Variants in STK4 observed in about 807,000 individuals in gnomAD.
STK4 encodes the protein serine/threonine kinase 4.
Under a neutral mutation model 64.9 loss-of-function variants are expected in STK4, and 30 were observed. The observed-to-expected ratio is 0.46, with a 90% CI of 0.35 to 0.63. The LOEUF (loss-of-function observed/expected upper bound fraction) is 0.63, where lower values mean the gene tolerates loss of function less well. Ranked by LOEUF, STK4 falls within the 20% of genes least tolerant of loss-of-function variation. The probability of loss-of-function intolerance (pLI) is 0.01; values close to 1 mark genes in which losing one functional copy is unlikely to be tolerated. For synonymous variants in STK4, 177 were observed against 199.0 expected (o/e 0.89, Z 0.93); for missense variants, 466 against 598.5 (o/e 0.78, Z 2.31).
At chr20:45,022,218 A>G (rs1456754842) in intron 9 of STK4, among the ~76,000 whole-genome samples, 1 of 152,186 alleles carries the variant, frequency 6.6e-6, no homozygotes, top group African/African-American at 2.4e-5. Context: ...ACATATGTGC[A>G]TTTTACTTAC....
intron 10 of STK4, among the ~76,000 whole-genome samples, chr20:45,050,746 A>G (rs2068764722): frequency 6.6e-6 from 1 of 152,072 alleles, no homozygotes. Flanking sequence ...TCAGACATTT[A>G]AATTTTTATA....
intron 6 of STK4, among the ~76,000 whole-genome samples, chr20:44,996,679 A>G (rs1320530113): frequency 6.6e-6 from 1 of 152,084 alleles, no homozygotes; most frequent in Non-Finnish European, 1.5e-5. Flanking sequence ...TTTCCCCCTC[A>G]CACATGCGTT....
intron 5 of STK4, among the ~76,000 whole-genome samples, chr20:44,991,599 AT>A (rs1472606016): frequency 1.3e-5 from 2 of 151,994 alleles, no homozygotes; most frequent in Non-Finnish European, 2.9e-5. Flanking sequence ...ATTATTGGCC[AT>A]TTATAAAAAT....
At chr20:45,021,675 A>G (rs558914834) in intron 9 of STK4, among the ~76,000 whole-genome samples, 1 of 152,184 alleles carries the variant, frequency 6.6e-6, no homozygotes, top group Non-Finnish European at 1.5e-5. Flanking sequence ...TAAACCACCA[A>G]CAACAAAAAA....
At chr20:45,012,627 C>T (rs897807794) in intron 9 of STK4, among the ~76,000 whole-genome samples, 1 of 152,014 alleles carries the variant, frequency 6.6e-6, no homozygotes, top group Non-Finnish European at 1.5e-5. Context: ...TTGTTTCTAA[C>T]ATTTTTCTTC....
In STK4 at chr20:45,044,163, G is replaced by T. The variant is rs74446728; in HGVS notation, c.1305+19033G>T. ...TCTTTCTACCCACCTCTCAAATCAT[G>T]AACTGTTGAGGTTAACGGAAATTTT... is the stretch of plus-strand genomic sequence containing the variant. On this transcript the variant is annotated intron_variant, in intron 10 of 10. Transcript: ENST00000372806. Among the ~76,000 whole-genome samples the T allele has an allele frequency of 8.5e-5, 13 of 152,138 alleles. No individual in the cohort carries two copies. In the East Asian group the frequency reaches 2.1e-3, roughly 25 times the overall value.
intron 10 of STK4, among the ~76,000 whole-genome samples, chr20:45,057,425 A>C (rs1188686149): frequency 6.6e-6 from 1 of 152,234 alleles, no homozygotes; most frequent in East Asian, 1.9e-4. Context: ...TGTTATTAAC[A>C]ATCAGACCCT....
chr20:44,988,549 ATATATATATATATATATATG>A (rs1236580168), intron 5 of STK4, among the ~76,000 whole-genome samples: 7 of 108,456 alleles, frequency 6.5e-5, no homozygotes, highest in Admixed American at 1.7e-4. Flanking sequence ...ATATATATAT[ATATATATATATATATATATG>A]TATCCATTCC....
Position 45,000,395 on chromosome 20 carries a change from C to T in STK4, c.835C>T (p.Pro279Ser). 6.2e-7 allele frequency: 1 copy of T among 1,613,436 alleles called. No homozygotes were observed. The change falls in exon 8 of 11, where the codon CCA (proline) becomes TCA (serine). Residue 279 changes from proline to serine, a missense_variant. By Grantham distance (74) the Pro-to-Ser change is moderately conservative (BLOSUM62 -1). Coordinates refer to ENST00000372806, the MANE Select transcript of STK4 (RefSeq NM_006282.5). Reference sequence around the variant, plus strand: ...ATTTTCTACTTTGTTCTTTTAGCACCCATTTGTCAGGAGTGCCAAAGGAGT... The same window carrying T: ...ATTTTCTACTTTGTTCTTTTAGCACTCATTTGTCAGGAGTGCCAAAGGAGT... ...RATATQLLQH[P>S]FVRSAKGVSI...
At chr20:45,042,233 G>A (rs6017472) in intron 10 of STK4, among the ~76,000 whole-genome samples, 76,152 of 151,402 alleles carry the variant, frequency 0.5, 19,899 homozygotes, top group African/African-American at 0.62. Flanking sequence ...TTGAGCTGTT[G>A]AAGATATTTT....
chr20:44,986,985 T>C, intron 4 of STK4, 147 bp from the exon 5 acceptor site: 1 of 573,790 alleles, frequency 1.7e-6, no homozygotes, highest in Non-Finnish European at 3.0e-6. Flanking sequence ...GAGTGGTCAG[T>C]GTATCTATGG....
rs1555813605 is a variant in STK4 at position 45,011,730 on chromosome 20, T to TATATATATATATATATA, written c.1147+10377_1147+10378insATATATATATATATATA. 7.6e-3 allele frequency among the ~76,000 whole-genome samples: 631 copies of TATATATATATATATATA among 83,202 alleles called. 5 individuals carry two copies. The highest frequency in any genetic ancestry group is 0.01 in the Non-Finnish European group (446 of 43,098). 54.6% of individuals were successfully genotyped at this position (83,202 alleles called of 152,430 possible). A position where few individuals can be genotyped will look rare whatever the true frequency, so the allele number is the denominator to read the frequency against. On this transcript the variant is annotated intron_variant, in intron 9 of 10. Coordinates refer to ENST00000372806, the MANE Select transcript of STK4 (RefSeq NM_006282.5). ...ATACATATATATATATATATATATA[T>TATATATATATATATATA]TTTTTTTTTTTTTTTTAAGTCAAGT...
intron 6 of STK4, 53 bp downstream of exon 6, chr20:44,995,310 A>G: frequency 6.4e-7 from 1 of 1,555,748 alleles, no homozygotes; most frequent in Non-Finnish European, 8.7e-7. Context: ...ATCATCATTA[A>G]AAAGTGAAGT....
chr20:45,007,252 T>C (rs1300705731), intron 9 of STK4, among the ~76,000 whole-genome samples: 1 of 152,168 alleles, frequency 6.6e-6, no homozygotes, highest in Non-Finnish European at 1.5e-5. Context: ...GAGCTGGAAA[T>C]TGAAAGCACT....
chr20:45,000,021 G>A (rs375923679), intron 7 of STK4, among the ~76,000 whole-genome samples: 76 of 152,284 alleles, frequency 5.0e-4, no homozygotes, highest in African/African-American at 1.7e-3. Flanking sequence ...GGACAGTTCT[G>A]TACTTTGCAA....
chr20:45,030,493 A>G (rs1201047433), intron 10 of STK4, among the ~76,000 whole-genome samples: 1 of 152,190 alleles, frequency 6.6e-6, no homozygotes, highest in Non-Finnish European at 1.5e-5. Context: ...CTATGAAGAG[A>G]ATTGCTGCTT....
In STK4 at chr20:44,980,562, A is replaced by C. The variant is rs550766018; in HGVS notation, c.246-1267A>C. On this transcript the variant is annotated intron_variant, in intron 3 of 10. Coordinates refer to ENST00000372806, the MANE Select transcript of STK4 (RefSeq NM_006282.5). ...TTGATCCTGAACATTTTTTCTTTAT[A>C]ATAGATTGTAGTATGTGTATGTTTT... is the stretch of plus-strand genomic sequence containing the variant. 2.6e-4 allele frequency among the ~76,000 whole-genome samples: 40 copies of C among 152,310 alleles called. No individual in the cohort carries two copies. The South Asian group carries it at 7.9e-3, about 30-fold the overall frequency.
intron 6 of STK4, among the ~76,000 whole-genome samples, chr20:44,996,599 T>G (rs899498447): frequency 5.3e-5 from 8 of 152,198 alleles, no homozygotes. Context: ...AATTGGAAAT[T>G]TAATAAATAA....
chr20:45,011,729 A>AT lies in STK4; in HGVS notation c.1147+10393dup, dbSNP rs869113711. 2.3e-3 allele frequency among the ~76,000 whole-genome samples: 266 copies of AT among 115,394 alleles called. 7 individuals are homozygous for AT. The highest frequency in any genetic ancestry group is 9.2e-3 in the African/African-American group (253 of 27,492). The allele number at this position is 115,394 out of a possible 152,430, so 75.7% of individuals were successfully genotyped here. On this transcript the variant is annotated intron_variant, in intron 9 of 10. Transcript: ENST00000372806. The stretch of plus-strand genomic sequence containing the variant: ...CATACATATATATATATATATATAT[A>AT]TTTTTTTTTTTTTTTTTAAGTCAAG...
Sources: gnomAD v4.1 joint callset for allele counts (sites outside exome capture counted in the v4.1 genomes callset) on GRCh38, gnomAD v4.1.1 for gene constraint, MANE v1.5 for transcripts, NCBI Gene and HGNC (gene_info 2026-07-23, HGNC 2026-07-21) for gene names.